The following RAB31 variants were observed in gnomAD, a reference collection of about 807,000 sequenced individuals.
RAB31 encodes RAB31, member RAS oncogene family.
A neutral mutation model predicts 25.6 loss-of-function variants in RAB31; 21 were observed. That is an observed-to-expected ratio of 0.82 (90% CI 0.58 to 1.18). RAB31 has a LOEUF of 1.18. Among genes scored for constraint, RAB31 ranks in the 50% most tolerant of loss-of-function variants. RAB31 has a pLI of 0.00. For synonymous variants in RAB31, 87 were observed against 84.0 expected, an observed-to-expected ratio of 1.04 and a Z score of -0.20; for missense variants, 196 against 250.1, an observed-to-expected ratio of 0.78 and a Z score of 1.46.
intron 5 of RAB31, among the ~76,000 whole-genome samples, chr18:9,836,943 A>G (rs1410507081): frequency 2.0e-5 from 3 of 149,016 alleles, no homozygotes; most frequent in Non-Finnish European, 3.0e-5. Flanking sequence ...CAGCATAAGG[A>G]ATGGGGTGAA....
chr18:9,799,310 T>C (rs1482999909), intron 3 of RAB31, among the ~76,000 whole-genome samples: 1 of 152,250 alleles, frequency 6.6e-6, no homozygotes, highest in Non-Finnish European at 1.5e-5. Context: ...TGTGGAATGA[T>C]TGCACCAAGT....
At chr18:9,764,014 T>C (rs1387781890) in intron 1 of RAB31, among the ~76,000 whole-genome samples, 1 of 152,152 alleles carries the variant, frequency 6.6e-6, no homozygotes, top group East Asian at 1.9e-4. Context: ...ATGTTGTCAG[T>C]GAATGTGGGT....
At chr18:9,739,138 A>C (rs2068164935) in intron 1 of RAB31, among the ~76,000 whole-genome samples, 1 of 152,360 alleles carries the variant, frequency 6.6e-6, no homozygotes, top group South Asian at 2.1e-4. Context: ...GTTGCATACT[A>C]TATAAATACA....
At chr18:9,853,950 TTTCTTTTC>T (rs1388955821) in intron 6 of RAB31, among the ~76,000 whole-genome samples, 2 of 136,746 alleles carry the variant, frequency 1.5e-5, no homozygotes, top group African/African-American at 2.5e-5. Context: ...CTTTTTTTCT[TTTCTTTTC>T]TTTTCTTTTT....
intron 6 of RAB31, among the ~76,000 whole-genome samples, chr18:9,848,666 AC>A (rs1317555094): frequency 6.6e-6 from 1 of 152,232 alleles, no homozygotes; most frequent in Non-Finnish European, 1.5e-5. Context: ...TATTGCTGAC[AC>A]CTAGGCTCCC....
chr18:9,845,744 G>A (rs1019152416), intron 6 of RAB31, 53 bp downstream of exon 6: 1 of 1,495,464 alleles, frequency 6.7e-7, no homozygotes, highest in Admixed American at 2.5e-5. Flanking sequence ...ATGCTTCTGG[G>A]AGTCAAAGGA....
intron 2 of RAB31, among the ~76,000 whole-genome samples, chr18:9,785,918 A>G (rs971792622): frequency 6.6e-6 from 1 of 152,086 alleles, no homozygotes; most frequent in African/African-American, 2.4e-5. Context: ...AAAATTAGCC[A>G]GGTGTGGTGG....
At chr18:9,739,533 A>C (rs1017408614) in intron 1 of RAB31, among the ~76,000 whole-genome samples, 2 of 106,900 alleles carry the variant, frequency 1.9e-5, no homozygotes, top group Non-Finnish European at 3.8e-5. Context: ...GCTTAGGAAG[A>C]TGTAATGTGC....
intron 1 of RAB31, among the ~76,000 whole-genome samples, chr18:9,742,043 C>T (rs996309166): frequency 2.0e-5 from 3 of 152,146 alleles, no homozygotes; most frequent in Non-Finnish European, 2.9e-5. Flanking sequence ...CAGCACTGGC[C>T]GTTGAGAAGA....
At chr18:9,710,613 G>A (rs762372188) in intron 1 of RAB31, among the ~76,000 whole-genome samples, 47 of 152,150 alleles carry the variant, frequency 3.1e-4, no homozygotes, top group Non-Finnish European at 5.6e-4. Flanking sequence ...AGCACTTTGG[G>A]AGGCTGAGGC....
chr18:9,772,328 G>T (rs1419719705), intron 1 of RAB31, among the ~76,000 whole-genome samples: 1 of 152,146 alleles, frequency 6.6e-6, no homozygotes, highest in Non-Finnish European at 1.5e-5. Context: ...ACCAGGCGAG[G>T]TTTGTCACTG....
chr18:9,780,858 G>C (rs2068399773), intron 2 of RAB31, among the ~76,000 whole-genome samples: 1 of 152,178 alleles, frequency 6.6e-6, no homozygotes, highest in Non-Finnish European at 1.5e-5. Flanking sequence ...TCGAACCCGG[G>C]AGGCAAAGGT....
At position 9,860,731 on chromosome 18, in the gene RAB31, C is replaced by T. The variant is rs965630391; in HGVS notation, c.*1406C>T. On this transcript the variant is annotated 3_prime_UTR_variant, in exon 7 of 7. Coordinates refer to ENST00000578921, the MANE Select transcript of RAB31 (RefSeq NM_006868.4). ...TGTGCTAGCCAGGGCCAGCTGGTAC[C>T]TTCTTTGCCATGAGCATTCAAGGGA... 1.3e-5 allele frequency: 2 copies of T among 152,186 alleles called. No individual in the cohort carries two copies. Among genetic ancestry groups the T allele is most frequent in the African/African-American group, 4.8e-5 (2 of 41,442 alleles). 9.4% of individuals were successfully genotyped at this position (152,186 alleles called of 1,614,324 possible). A position where few individuals can be genotyped will look rare whatever the true frequency, so the allele number is the denominator to read the frequency against.
intron 1 of RAB31, among the ~76,000 whole-genome samples, chr18:9,743,272 A>G (rs550462855): frequency 6.6e-6 from 1 of 152,356 alleles, no homozygotes; most frequent in African/African-American, 2.4e-5. Flanking sequence ...CACATGTACA[A>G]ATAACTTAAA....
At chr18:9,847,427 G>A (rs2068767349) in intron 6 of RAB31, among the ~76,000 whole-genome samples, 1 of 152,162 alleles carries the variant, frequency 6.6e-6, no homozygotes, top group South Asian at 2.1e-4. Flanking sequence ...AGGGGAGCCT[G>A]GTGCCTTGTA....
chr18:9,745,052 A>T (rs1316255789), intron 1 of RAB31, among the ~76,000 whole-genome samples: 1 of 152,172 alleles, frequency 6.6e-6, no homozygotes, highest in Non-Finnish European at 1.5e-5. Context: ...AAATCAACAT[A>T]CCTTAAGCTA....
chr18:9,844,936 T>C (rs1027151810), intron 5 of RAB31: 1 of 152,276 alleles, frequency 6.6e-6, no homozygotes, highest in African/African-American at 2.4e-5. Context: ...TAATCTCGGC[T>C]CACTGCAAGC....
chr18:9,711,399 G>T (rs2068016555), intron 1 of RAB31, among the ~76,000 whole-genome samples: 1 of 152,096 alleles, frequency 6.6e-6, no homozygotes, highest in South Asian at 2.1e-4. Context: ...TTGAGATAGG[G>T]TCTCACTCTG....
intron 5 of RAB31, among the ~76,000 whole-genome samples, chr18:9,836,442 G>T (rs2068704576): frequency 6.6e-6 from 1 of 151,914 alleles, no homozygotes; most frequent in Admixed American, 6.6e-5. Context: ...ATATTTTATT[G>T]TGCCCTAGCT....
Sources: gnomAD v4.1 joint callset for allele counts (sites outside exome capture counted in the v4.1 genomes callset) on GRCh38, gnomAD v4.1.1 for gene constraint, MANE v1.5 for transcripts, NCBI Gene and HGNC (gene_info 2026-07-23, HGNC 2026-07-21) for gene names.